The following TAF1A variants were observed in gnomAD, a reference collection of about 807,000 sequenced individuals.
TAF1A encodes TATA-box binding protein associated factor, RNA polymerase I subunit A, also known as TATA box-binding protein-associated factor RNA polymerase I subunit A.
Under a neutral mutation model 61.6 loss-of-function variants are expected in TAF1A, and 42 were observed. The ratio of observed to expected loss-of-function variants is 0.68; its 90% confidence interval spans 0.53 to 0.88. The LOEUF is 0.88. Ranked by LOEUF, TAF1A falls within the 40% of genes least tolerant of loss-of-function variation. The pLI, the probability that TAF1A is intolerant of heterozygous loss-of-function variation, is 0.00. For missense variants in TAF1A, 424 were observed against 518.7 expected (o/e 0.82, Z 1.77); for synonymous variants, 179 against 177.7 (o/e 1.01, Z -0.06).
intron 2 of TAF1A, among the ~76,000 whole-genome samples, chr1:222,584,818 CA>C (rs1371073054): frequency 1.3e-5 from 2 of 152,148 alleles, no homozygotes; most frequent in Non-Finnish European, 1.5e-5. Flanking sequence ...TTGGCAATCC[CA>C]ATGTTAAGAA....
intron 7 of TAF1A, among the ~76,000 whole-genome samples, chr1:222,568,678 A>G (rs1660219711): frequency 6.6e-6 from 1 of 152,218 alleles, no homozygotes; most frequent in Non-Finnish European, 1.5e-5. Flanking sequence ...CACTTCAAAA[A>G]ACAGCTGGGC....
At chr1:222,576,106 T>C (rs1660562896) in intron 5 of TAF1A, among the ~76,000 whole-genome samples, 1 of 152,158 alleles carries the variant, frequency 6.6e-6, no homozygotes, top group Non-Finnish European at 1.5e-5. Context: ...TTAGCACAAT[T>C]AGAAAGCAAG....
chr1:222,580,782 AAAAAG>A (rs1255682678), intron 3 of TAF1A, among the ~76,000 whole-genome samples: 3 of 90,462 alleles, frequency 3.3e-5, no homozygotes, highest in African/African-American at 9.0e-5. Flanking sequence ...GAAAAAAAAA[AAAAAG>A]AAAACTTTGA....
At chr1:222,572,835 G>T (rs1005551804) in intron 5 of TAF1A, among the ~76,000 whole-genome samples, 3 of 152,196 alleles carry the variant, frequency 2.0e-5, no homozygotes, top group Admixed American at 2.0e-4. Flanking sequence ...ACTCTCAGAA[G>T]AAGTGAAAAT....
intron 7 of TAF1A, among the ~76,000 whole-genome samples, chr1:222,566,919 C>T (rs1336571085): frequency 6.6e-6 from 1 of 152,156 alleles, no homozygotes; most frequent in Non-Finnish European, 1.5e-5. Context: ...AAAAGAATTA[C>T]CATATAATCC....
chr1:222,565,814 C>G (rs993697092), intron 7 of TAF1A, among the ~76,000 whole-genome samples: 1 of 152,124 alleles, frequency 6.6e-6, no homozygotes, highest in African/African-American at 2.4e-5. Flanking sequence ...GGGAGCCTCA[C>G]GTGATCATGC....
chr1:222,587,045 C>T (rs769549207), intron 2 of TAF1A, among the ~76,000 whole-genome samples: 12 of 152,126 alleles, frequency 7.9e-5, no homozygotes, highest in Non-Finnish European at 1.6e-4. Flanking sequence ...AGAAACATAC[C>T]CAAGTATGAC....
At chr1:222,575,631 A>G (rs3002128) in intron 5 of TAF1A, among the ~76,000 whole-genome samples, 53,604 of 152,018 alleles carry the variant, frequency 0.35, 10,736 homozygotes, top group African/African-American at 0.56. Context: ...GAGCCACATA[A>G]CAGCAAGAAA....
rs556086739 is a variant in TAF1A at position 222,558,462 on chromosome 1, A to C, written c.*198T>G. 3.9e-6 allele frequency: 1 copy of C among 254,756 alleles called. No individual in the cohort carries two copies. Among genetic ancestry groups the C allele is most frequent in the East Asian group, 7.1e-5 (1 of 14,124 alleles). 15.8% of individuals were successfully genotyped at this position (254,756 alleles called of 1,614,324 possible). ...TGTAACATTTAACATTACAAAAAAG[A>C]AAACAGACATAGTTACAAAGAGCAA... On this transcript the variant is annotated 3_prime_UTR_variant, in exon 11 of 11. Coordinates refer to ENST00000352967, the MANE Select transcript of TAF1A (RefSeq NM_005681.4).
chr1:222,581,385 G>A (rs1176164453), intron 3 of TAF1A, among the ~76,000 whole-genome samples: 4 of 151,688 alleles, frequency 2.6e-5, no homozygotes, highest in African/African-American at 9.7e-5. Context: ...TTTTGCTCTA[G>A]AAGATAACTA....
Position 222,564,058 on chromosome 1 carries a change from C to T in TAF1A, c.961+1G>A, listed in dbSNP as rs1194800906. ...GGTATAAAACAACATTTATTTATTA[C>T]CTGATTTTCTAAGTAATGTATGGAA... On this transcript the variant is annotated splice_donor_variant, in intron 8 of 10. Transcript: ENST00000352967. LOFTEE classifies it high-confidence loss of function. The T allele has an allele frequency of 4.0e-6, 6 of 1,518,644 alleles. No individual in the cohort carries two copies. The highest frequency in any genetic ancestry group is 5.5e-6 in the Non-Finnish European group (6 of 1,098,752). The allele number at this position is 1,518,644 out of a possible 1,614,324, so 94.1% of individuals were successfully genotyped here. A position where few individuals can be genotyped will look rare whatever the true frequency, so the allele number is the denominator to read the frequency against.
At chr1:222,574,212 A>G (rs951561746) in intron 5 of TAF1A, among the ~76,000 whole-genome samples, 1 of 152,142 alleles carries the variant, frequency 6.6e-6, no homozygotes, top group South Asian at 2.1e-4. Context: ...ACTAAAAACC[A>G]CTGAGTTGTA....
At chr1:222,554,688 G>A (rs115648399), downstream of TAF1A, among the ~76,000 whole-genome samples, 248 of 152,240 alleles carry the variant, frequency 1.6e-3, 1 homozygote, top group African/African-American at 5.8e-3. Flanking sequence ...CAGGACCCAT[G>A]CTCAGCACTT....
chr1:222,588,617 TTC>T (rs1220170401), intron 1 of TAF1A, 52 bp from the exon 2 acceptor site: 10 of 1,573,008 alleles, frequency 6.4e-6, no homozygotes, highest in Non-Finnish European at 6.9e-6. Flanking sequence ...ATCCACAGTC[TTC>T]TGAGTTGTAC....
At chr1:222,571,873 G>C (rs944035868) in intron 5 of TAF1A, among the ~76,000 whole-genome samples, 12 of 152,082 alleles carry the variant, frequency 7.9e-5, no homozygotes, top group African/African-American at 2.9e-4. Context: ...AAATGCAAGG[G>C]ACCAAAGAAG....
intron 3 of TAF1A, 160 bp from the exon 4 acceptor site, chr1:222,580,032 A>G: frequency 1.3e-6 from 1 of 765,382 alleles, no homozygotes; most frequent in Non-Finnish European, 2.0e-6. Context: ...TAAAATTAAT[A>G]CTACTTCCTT....
At chr1:222,568,177 T>A (rs1365051286) in intron 7 of TAF1A, among the ~76,000 whole-genome samples, 4 of 93,188 alleles carry the variant, frequency 4.3e-5, no homozygotes, top group Non-Finnish European at 2.0e-5. Context: ...ATACAACACA[T>A]CTAGAAAAAA....
chr1:222,579,480 G>C lies in TAF1A; in HGVS notation c.405+279C>G, dbSNP rs1016612183. On this transcript the variant is annotated intron_variant, in intron 4 of 10. Transcript: ENST00000352967. The stretch of plus-strand genomic sequence containing the variant: ...GACTTCAGCAAACATTTTAGAATCT[G>C]GCCCATCATCATACCACTGCAATCT... Among the ~76,000 whole-genome samples, 3 of 152,104 alleles carry C rather than the reference G, an allele frequency of 2.0e-5. 1 individual carries two copies. The highest frequency in any genetic ancestry group is 7.2e-5 in the African/African-American group (3 of 41,406).
At chr1:222,569,981 G>A (rs1660283282) in intron 6 of TAF1A, among the ~76,000 whole-genome samples, 1 of 152,120 alleles carries the variant, frequency 6.6e-6, no homozygotes, top group Non-Finnish European at 1.5e-5. Context: ...CTTTCATCCT[G>A]TTCCCATCCT....
Sources: gnomAD v4.1 joint callset for allele counts (sites outside exome capture counted in the v4.1 genomes callset) on GRCh38, gnomAD v4.1.1 for gene constraint, MANE v1.5 for transcripts, NCBI Gene and HGNC (gene_info 2026-07-23, HGNC 2026-07-21) for gene names.